Variants in DHRS12 observed in about 807,000 individuals in gnomAD.
DHRS12 encodes the protein dehydrogenase/reductase 12.
Under a neutral mutation model 32.1 loss-of-function variants are expected in DHRS12, and 29 were observed. The observed-to-expected ratio is 0.90, with a 90% CI of 0.67 to 1.23. The LOEUF is 1.23. Ranked by LOEUF, DHRS12 falls within the 50% of genes most tolerant of loss-of-function variation. The pLI is 0.00. For synonymous variants in DHRS12, 150 were observed against 135.9 expected, an observed-to-expected ratio of 1.10 and a Z score of -0.72; for missense variants, 330 against 337.2, an observed-to-expected ratio of 0.98 and a Z score of 0.17.
At chr13:51,795,136 T>TA (rs1196574826) in intron 2 of DHRS12, among the ~76,000 whole-genome samples, 2 of 152,214 alleles carry the variant, frequency 1.3e-5, no homozygotes, top group East Asian at 3.8e-4. Flanking sequence ...ACCTGGTGCC[T>TA]GTGCTCCCTG....
chr13:51,768,930 T>C (rs1257497021), intron 8 of DHRS12: 2 of 1,398,288 alleles, frequency 1.4e-6, no homozygotes, highest in Non-Finnish European at 1.9e-6. Context: ...TCACAGGACC[T>C]TGATGACAGG....
intron 7 of DHRS12, chr13:51,771,586 C>T (rs1954019320): frequency 6.5e-7 from 1 of 1,546,274 alleles, no homozygotes; most frequent in East Asian, 2.3e-5. Context: ...TGCTCCCGTT[C>T]CCACCATCTC....
At chr13:51,795,086 G>A (rs935296186) in intron 2 of DHRS12, among the ~76,000 whole-genome samples, 25 of 152,146 alleles carry the variant, frequency 1.6e-4, no homozygotes, top group African/African-American at 6.0e-4. Flanking sequence ...CCAAGCCAGC[G>A]TGTACAAGCA....
At chr13:51,778,164 C>T (rs571156151) in intron 4 of DHRS12, among the ~76,000 whole-genome samples, 1 of 152,218 alleles carries the variant, frequency 6.6e-6, no homozygotes, top group East Asian at 1.9e-4. Context: ...GCGGTGTGAC[C>T]GTAGGCAAGT....
chr13:51,787,293 C>A (rs1241857707), intron 4 of DHRS12, among the ~76,000 whole-genome samples: 1 of 152,152 alleles, frequency 6.6e-6, no homozygotes, highest in African/African-American at 2.4e-5. Context: ...CCTTTAGAGT[C>A]TATCAAGCCT....
chr13:51,772,902 G>A, intron 6 of DHRS12: 2 of 985,434 alleles, frequency 2.0e-6, no homozygotes, highest in Non-Finnish European at 2.4e-6. Flanking sequence ...AGCAAAACTG[G>A]GGCACACCCA....
the DHRS12 span, chr13:51,759,853 A>T: frequency 7.0e-7 from 1 of 1,430,526 alleles, no homozygotes; most frequent in Non-Finnish European, 9.8e-7. Flanking sequence ...GGTAAAGCAG[A>T]CATGTGAGAA....
intron 8 of DHRS12, chr13:51,768,738 A>G (rs1729723371): frequency 3.6e-6 from 4 of 1,121,370 alleles, no homozygotes; most frequent in Non-Finnish European, 4.4e-6. Flanking sequence ...CACTGGGGAG[A>G]GACGTGAACA....
chr13:51,758,452 T>C, the DHRS12 span: 6 of 463,128 alleles, frequency 1.3e-5, no homozygotes, highest in Admixed American at 2.9e-5. Flanking sequence ...TCAGGAGATT[T>C]AGGAGGGAGG....
chr13:51,768,308 A>C lies in DHRS12; in HGVS notation c.698-12T>G. ...AACTGGCTTCCGATCTAAAAGTGAG[A>C]GGGAACCGCAGAGAGGTGTGAGCTG... On this transcript the variant is annotated splice_polypyrimidine_tract_variant and intron_variant, in intron 8 of 8. Transcript: ENST00000444610. 1 of 1,535,558 alleles carries C rather than the reference A, an allele frequency of 6.5e-7. No homozygotes were observed. Among genetic ancestry groups the C allele is most frequent in the Non-Finnish European group, 8.7e-7 (1 of 1,146,906 alleles).
At chr13:51,802,352 A>G (rs1409045304) in intron 1 of DHRS12, among the ~76,000 whole-genome samples, 1 of 152,220 alleles carries the variant, frequency 6.6e-6, no homozygotes, top group Non-Finnish European at 1.5e-5. Flanking sequence ...CTGACTCAGA[A>G]GTGATTGCTT....
At chr13:51,769,377 AGTG>A in intron 7 of DHRS12, 84 bp from the exon 8 acceptor site, 21 of 1,058,938 alleles carry the variant, frequency 2.0e-5, no homozygotes, top group Non-Finnish European at 2.2e-5. Flanking sequence ...AAAAAAAAAA[AGTG>A]CAAAAATGAA....
chr13:51,801,029 T>C (rs992816365), intron 1 of DHRS12, among the ~76,000 whole-genome samples: 9 of 152,214 alleles, frequency 5.9e-5, no homozygotes, highest in Admixed American at 5.2e-4. Flanking sequence ...TTACTAGCTG[T>C]GCCATCTTGT....
At chr13:51,789,947 C>T (rs755198446) in intron 4 of DHRS12, 64 bp downstream of exon 4, 35 of 1,482,284 alleles carry the variant, frequency 2.4e-5, no homozygotes, top group Non-Finnish European at 2.7e-5. Flanking sequence ...TTTTTTTTTA[C>T]CCTTCTATGG....
At chr13:51,791,387 C>A (rs13378891) in intron 2 of DHRS12, 130 bp from the exon 3 acceptor site, 108,344 of 478,872 alleles carry the variant, frequency 0.23, 14,808 homozygotes, top group African/African-American at 0.47. Flanking sequence ...AAATACCAGT[C>A]CCACTCCTCA....
chr13:51,774,172 C>T (rs1342829809), intron 5 of DHRS12, 138 bp from the exon 6 acceptor site: 2 of 661,352 alleles, frequency 3.0e-6, no homozygotes, highest in Non-Finnish European at 5.4e-6. Context: ...TTGTATTCTC[C>T]TACAGTATTC....
chr13:51,787,864 TATAA>T (rs1465525125), intron 4 of DHRS12, among the ~76,000 whole-genome samples: 1 of 120,822 alleles, frequency 8.3e-6, no homozygotes, highest in Non-Finnish European at 1.7e-5. Context: ...ATATATAATA[TATAA>T]ATATATAATT....
intron 4 of DHRS12, among the ~76,000 whole-genome samples, chr13:51,784,859 G>C (rs1954879656): frequency 6.6e-6 from 1 of 152,192 alleles, no homozygotes; most frequent in South Asian, 2.1e-4. Flanking sequence ...TCCCCCACTA[G>C]GCCAGCAGTC....
At chr13:51,779,955 T>C (rs1203560086) in intron 4 of DHRS12, among the ~76,000 whole-genome samples, 1 of 152,018 alleles carries the variant, frequency 6.6e-6, no homozygotes, top group African/African-American at 2.4e-5. Context: ...GGCGGGCGGA[T>C]CACTTGAGGT....
Sources: gnomAD v4.1 joint callset for allele counts (sites outside exome capture counted in the v4.1 genomes callset) on GRCh38, gnomAD v4.1.1 for gene constraint, MANE v1.5 for transcripts, NCBI Gene and HGNC (gene_info 2026-07-23, HGNC 2026-07-21) for gene names.